Variants in BMP6 observed in about 807,000 individuals in gnomAD.
The protein encoded by BMP6 is bone morphogenetic protein 6, also known as VG-1-R.
BMP6 carries 17 observed loss-of-function variants against 54.1 expected under a neutral mutation model. The ratio of observed to expected loss-of-function variants is 0.31; its 90% CI spans 0.22 to 0.47. The LOEUF (loss-of-function observed/expected upper bound fraction) is 0.47. Among genes scored for constraint, BMP6 ranks in the 20% least tolerant of loss-of-function variants. The probability of loss-of-function intolerance (pLI) is 1.00; values close to 1 mark genes in which losing one functional copy is unlikely to be tolerated. For missense variants in BMP6, 720 were observed against 690.4 expected (o/e 1.04, Z -0.48); for synonymous variants, 328 against 291.2 (o/e 1.13, Z -1.28).
chr6:7,816,130 G>A (rs1758522500), intron 1 of BMP6, among the ~76,000 whole-genome samples: 1 of 152,228 alleles, frequency 6.6e-6, no homozygotes, highest in South Asian at 2.1e-4. Context: ...CCATCAGTTA[G>A]TAGGTTAGAA....
chr6:7,734,302 A>G (rs1420277250), intron 1 of BMP6, among the ~76,000 whole-genome samples: 3 of 152,210 alleles, frequency 2.0e-5, no homozygotes, highest in East Asian at 3.9e-4. Flanking sequence ...AAGTTCTCGC[A>G]TATCATCTAA....
chr6:7,845,319 G>A lies in BMP6; in HGVS notation c.844G>A (p.Glu282Lys). The A allele has an allele frequency of 6.2e-7, 1 of 1,613,910 alleles. No homozygotes were observed. Among genetic ancestry groups the A allele is most frequent in the Non-Finnish European group, 8.5e-7 (1 of 1,179,900 alleles). ...FLISIYQVLQEHQHRDSDLFL... is the reference protein window; with the variant it reads ...FLISIYQVLQKHQHRDSDLFL... The stretch of plus-strand genomic sequence containing the variant: ...TATCAGCATTTATCAAGTCTTACAG[G>A]AGCATCAGCACAGGTATGAAGGCTC... Residue 282 changes from glutamate (E) to lysine (K), a missense_variant, in exon 2 of 7, where the codon GAG (glutamate) becomes AAG (lysine). Glu to Lys is a moderately conservative substitution (Grantham distance 56, BLOSUM62 1). Transcript: ENST00000283147.
intron 2 of BMP6, among the ~76,000 whole-genome samples, chr6:7,856,433 T>C (rs1759233735): frequency 6.6e-6 from 1 of 151,980 alleles, no homozygotes; most frequent in Non-Finnish European, 1.5e-5. Context: ...AGTTCCTCCA[T>C]GTATGAATGT....
chr6:7,873,857 C>G (rs142722399), intron 4 of BMP6, among the ~76,000 whole-genome samples: 22 of 152,152 alleles, frequency 1.4e-4, no homozygotes, highest in African/African-American at 5.3e-4. Flanking sequence ...TTGTAGAAAT[C>G]TTTGCTTTTT....
chr6:7,768,388 T>G (rs1757725233), intron 1 of BMP6, among the ~76,000 whole-genome samples: 1 of 152,178 alleles, frequency 6.6e-6, no homozygotes, highest in Non-Finnish European at 1.5e-5. Flanking sequence ...TCAAGGTTTC[T>G]CTGGCGTTGG....
At chr6:7,735,670 C>T (rs1472429552) in intron 1 of BMP6, among the ~76,000 whole-genome samples, 1 of 152,122 alleles carries the variant, frequency 6.6e-6, no homozygotes, top group African/African-American at 2.4e-5. Flanking sequence ...CCCTGCCCCA[C>T]AGGTGCACAG....
intron 1 of BMP6, among the ~76,000 whole-genome samples, chr6:7,838,863 A>T (rs905927804): frequency 6.7e-6 from 1 of 148,872 alleles, no homozygotes; most frequent in African/African-American, 2.5e-5. Context: ...AATGGCGTCA[A>T]CCCGGGAGGT....
chr6:7,782,824 AG>A (rs1757966457), intron 1 of BMP6, among the ~76,000 whole-genome samples: 1 of 152,184 alleles, frequency 6.6e-6, no homozygotes, highest in African/African-American at 2.4e-5. Flanking sequence ...GCAGCCAGAG[AG>A]ATAAGAGGAA....
chr6:7,870,783 A>G (rs1356018707), intron 4 of BMP6, among the ~76,000 whole-genome samples: 30 of 152,174 alleles, frequency 2.0e-4, no homozygotes, highest in Admixed American at 1.8e-3. Flanking sequence ...ATGTGCCATC[A>G]TGCCCCTCTA....
At chr6:7,823,516 A>G (rs796683412) in intron 1 of BMP6, among the ~76,000 whole-genome samples, 4 of 152,246 alleles carry the variant, frequency 2.6e-5, no homozygotes, top group East Asian at 3.8e-4. Context: ...AATAAATTCA[A>G]TGTAATGCCA....
intron 4 of BMP6, among the ~76,000 whole-genome samples, chr6:7,870,136 T>G (rs1759498941): frequency 6.6e-6 from 1 of 152,082 alleles, no homozygotes; most frequent in Non-Finnish European, 1.5e-5. Context: ...CCCTCCCAGG[T>G]GTACTGGCCC....
At chr6:7,844,740 A>G (rs1274631053) in intron 1 of BMP6, among the ~76,000 whole-genome samples, 1 of 152,136 alleles carries the variant, frequency 6.6e-6, no homozygotes, top group South Asian at 2.1e-4. Flanking sequence ...CCAGGAGGAC[A>G]TAACGGGGCC....
intron 2 of BMP6, among the ~76,000 whole-genome samples, chr6:7,860,199 G>A (rs1759313086): frequency 6.6e-6 from 1 of 152,194 alleles, no homozygotes; most frequent in Admixed American, 6.5e-5. Context: ...CACTCTGCCT[G>A]GCTTTTAGGA....
chr6:7,759,706 T>TTC (rs1380329638), intron 1 of BMP6, among the ~76,000 whole-genome samples: 13 of 130,124 alleles, frequency 1.0e-4, no homozygotes, highest in African/African-American at 2.5e-4. Flanking sequence ...CTTTTTTTTT[T>TTC]TTTTTTTTTT....
chr6:7,734,955 T>C (rs1471976749), intron 1 of BMP6, among the ~76,000 whole-genome samples: 1 of 152,218 alleles, frequency 6.6e-6, no homozygotes. Context: ...TGATGACTGA[T>C]CCTCCTGCTG....
intron 1 of BMP6, among the ~76,000 whole-genome samples, chr6:7,767,905 T>C (rs983963842): frequency 2.6e-5 from 4 of 152,144 alleles, no homozygotes; most frequent in African/African-American, 9.7e-5. Context: ...GGGGAAGCCC[T>C]CTGTGGTCTA....
intron 1 of BMP6, among the ~76,000 whole-genome samples, chr6:7,751,776 CTTAG>C (rs1220327033): frequency 6.6e-6 from 1 of 152,120 alleles, no homozygotes; most frequent in African/African-American, 2.4e-5. Context: ...GCCTAATTTT[CTTAG>C]TTAGAATGTA....
At chr6:7,870,161 G>T (rs1759499410) in intron 4 of BMP6, among the ~76,000 whole-genome samples, 2 of 152,340 alleles carry the variant, frequency 1.3e-5, no homozygotes, top group South Asian at 2.1e-4. Flanking sequence ...GTAACATGGA[G>T]GAATGACAGA....
chr6:7,848,600 C>T (rs895385723), intron 2 of BMP6, among the ~76,000 whole-genome samples: 2 of 152,208 alleles, frequency 1.3e-5, no homozygotes, highest in African/African-American at 4.8e-5. Flanking sequence ...TCCTGTCGTA[C>T]TAGTTGGCTG....
Sources: gnomAD v4.1 joint callset for allele counts (sites outside exome capture counted in the v4.1 genomes callset) on GRCh38, gnomAD v4.1.1 for gene constraint, MANE v1.5 for transcripts, NCBI Gene and HGNC (gene_info 2026-07-23, HGNC 2026-07-21) for gene names.